Variants in RBFOX1 observed in about 807,000 individuals in gnomAD.
The protein encoded by RBFOX1 is RNA binding protein fox-1 homolog 1.
Under a neutral mutation model 57.7 loss-of-function variants are expected in RBFOX1, and 8 were observed. The ratio of observed to expected loss-of-function variants is 0.14; its 90% confidence interval spans 0.08 to 0.25. The LOEUF is 0.25. RBFOX1 is among the 10% of genes least tolerant of loss of function. The probability of loss-of-function intolerance (pLI) is 1.00; values close to 1 mark genes in which losing one functional copy is unlikely to be tolerated. For missense variants in RBFOX1, 611 were observed against 548.5 expected, an observed-to-expected ratio of 1.11 and a Z score of -1.14; for synonymous variants, 326 against 222.4, an observed-to-expected ratio of 1.47 and a Z score of -4.15.
intron 2 of RBFOX1, among the ~76,000 whole-genome samples, chr16:6,510,634 A>C (rs7187124): frequency 5.1e-4 from 78 of 152,290 alleles, no homozygotes; most frequent in African/African-American, 1.7e-3. Flanking sequence ...CTACCAAATG[A>C]TTTTTAATAG....
chr16:7,465,685 C>A (rs917621254), intron 4 of RBFOX1, among the ~76,000 whole-genome samples: 2 of 152,140 alleles, frequency 1.3e-5, no homozygotes, highest in Admixed American at 1.3e-4. Context: ...CCCTGGGGAT[C>A]CTTTGCTTCT....
chr16:7,473,634 A>G (rs2062015749), intron 4 of RBFOX1, among the ~76,000 whole-genome samples: 1 of 151,668 alleles, frequency 6.6e-6, no homozygotes, highest in Non-Finnish European at 1.5e-5. Flanking sequence ...TCAAACAGTA[A>G]TATCTTGTTG....
chr16:6,493,236 G>A (rs1024451180), intron 2 of RBFOX1, among the ~76,000 whole-genome samples: 10 of 152,054 alleles, frequency 6.6e-5, no homozygotes, highest in Non-Finnish European at 1.2e-4. Context: ...GAAAATCATT[G>A]GATTCACAGT....
At chr16:7,161,532 C>G (rs2078319248) in intron 4 of RBFOX1, among the ~76,000 whole-genome samples, 1 of 152,106 alleles carries the variant, frequency 6.6e-6, no homozygotes, top group South Asian at 2.1e-4. Flanking sequence ...TTTACAGATT[C>G]AGAAAGAGAG....
At chr16:6,694,731 A>G (rs2060759781) in intron 3 of RBFOX1, among the ~76,000 whole-genome samples, 1 of 152,174 alleles carries the variant, frequency 6.6e-6, no homozygotes, top group Admixed American at 6.5e-5. Flanking sequence ...CTCCATTGGT[A>G]ATAGGTATAA....
chr16:5,629,001 G>T (rs1405341939), intron 3 of RBFOX1, among the ~76,000 whole-genome samples: 1 of 152,190 alleles, frequency 6.6e-6, no homozygotes. Context: ...GCGATTAAAT[G>T]TCTTTCTAAT....
rs575440505 is a variant in RBFOX1, at chr16:6,957,398, G to T, written c.-15-94659G>T. On this transcript the variant is annotated intron_variant, in intron 3 of 15. Transcript: ENST00000550418. ...TGCCTCCCAATGTGCTGCGACTCAC[G>T]CTCAGCCGGTTATTTCTTCATGATA... Among the ~76,000 whole-genome samples, 200 of 152,150 alleles carry T rather than the reference G, an allele frequency of 1.3e-3. 9 individuals are homozygous for T. In the South Asian group the frequency reaches 0.041, roughly 31 times the overall value.
chr16:5,848,149 A>C (rs565393567), intron 3 of RBFOX1, among the ~76,000 whole-genome samples: 3 of 152,106 alleles, frequency 2.0e-5, no homozygotes, highest in African/African-American at 4.8e-5. Context: ...TACAAACTGC[A>C]TGCAGTTTGC....
intron 12 of RBFOX1, among the ~76,000 whole-genome samples, chr16:7,660,794 C>G (rs935618724): frequency 3.3e-5 from 5 of 152,208 alleles, no homozygotes; most frequent in African/African-American, 1.2e-4. Context: ...GCCCAGCCAT[C>G]TGTGTTTCAA....
chr16:7,167,710 T>C (rs1045332506), intron 4 of RBFOX1, among the ~76,000 whole-genome samples: 3 of 152,240 alleles, frequency 2.0e-5, no homozygotes, highest in Admixed American at 6.5e-5. Context: ...AAATCCAGCC[T>C]GACACCTGTT....
Position 5,850,176 on chromosome 16 carries a change from A to G in RBFOX1, c.319-17127A>G, listed in dbSNP as rs188674128. 6.8e-4 allele frequency among the ~76,000 whole-genome samples: 104 copies of G among 152,292 alleles called. 1 individual carries two copies. The highest frequency in any genetic ancestry group is 2.5e-3 in the African/African-American group (103 of 41,554). On this transcript the variant is annotated intron_variant, in intron 3 of 19. Coordinates refer to the RBFOX1 transcript ENST00000641259. The stretch of plus-strand genomic sequence containing the variant: ...TCCAATTAACTGGTTAATTGATGTT[A>G]TCCGTTTTATCCAGAGGGATAAGCG...
intron 1 of RBFOX1, among the ~76,000 whole-genome samples, chr16:6,215,496 G>T (rs556920498): frequency 6.6e-6 from 1 of 151,904 alleles, no homozygotes; most frequent in Non-Finnish European, 1.5e-5. Flanking sequence ...GACAGAGTGT[G>T]CATGCCCATA....
In RBFOX1 at chr16:6,328,768, G is replaced by A. The variant is rs2082666100; in HGVS notation, c.-64+11711G>A. ...TTGGGAGGAGGGGATGCCTGTTAGG[G>A]ATAAACCTTTTACTATAGAGAATGG... On this transcript the variant is annotated intron_variant, in intron 2 of 15. Transcript: ENST00000550418. 3.9e-5 allele frequency among the ~76,000 whole-genome samples: 6 copies of A among 152,116 alleles called. No homozygotes were observed. In the South Asian group the frequency reaches 1.2e-3, roughly 32 times the overall value.
chr16:5,891,547 A>C (rs953202930), intron 4 of RBFOX1, among the ~76,000 whole-genome samples: 10 of 152,190 alleles, frequency 6.6e-5, no homozygotes, highest in African/African-American at 2.4e-4. Flanking sequence ...CTCATCCCCG[A>C]GAGCCCGCTT....
intron 3 of RBFOX1, among the ~76,000 whole-genome samples, chr16:5,734,669 GC>G (rs2052507710): frequency 6.6e-6 from 1 of 152,122 alleles, no homozygotes; most frequent in East Asian, 1.9e-4. Flanking sequence ...CCTCTTTGGT[GC>G]CAAACACCCA....
chr16:6,342,398 G>C (rs755409468), intron 2 of RBFOX1, among the ~76,000 whole-genome samples: 6 of 152,116 alleles, frequency 3.9e-5, no homozygotes, highest in Admixed American at 6.5e-5. Context: ...TTTTGCCATG[G>C]CAATCTTTTC....
rs559090126 is a variant in RBFOX1, at chr16:5,884,491, G to A, written c.351+17156G>A. Among the ~76,000 whole-genome samples the A allele has an allele frequency of 5.5e-4, 77 of 140,848 alleles. 1 individual carries two copies. In the South Asian group the frequency reaches 0.017, roughly 32 times the overall value. 92.4% of individuals were successfully genotyped at this position (140,848 alleles called of 152,430 possible). ...CCCCCTACCCCCGCCCCCGGCTAGG[G>A]TACACAGCTGGACTACATTTCCCAG... is the stretch of plus-strand genomic sequence containing the variant. On this transcript the variant is annotated intron_variant, in intron 4 of 19. Coordinates refer to the RBFOX1 transcript ENST00000641259.
chr16:7,557,389 G>A (rs1390651972), intron 5 of RBFOX1, among the ~76,000 whole-genome samples: 2 of 152,130 alleles, frequency 1.3e-5, no homozygotes, highest in East Asian at 1.9e-4. Context: ...GGAGGCCAAC[G>A]TGGGCGGATC....
At chr16:7,536,248 T>G (rs1345567272) in intron 5 of RBFOX1, among the ~76,000 whole-genome samples, 1 of 152,152 alleles carries the variant, frequency 6.6e-6, no homozygotes. Context: ...CAGGGAGACA[T>G]AAATCAAAGC....
Sources: gnomAD v4.1 joint callset for allele counts (sites outside exome capture counted in the v4.1 genomes callset) on GRCh38, gnomAD v4.1.1 for gene constraint, MANE v1.5 for transcripts, NCBI Gene and HGNC (gene_info 2026-07-23, HGNC 2026-07-21) for gene names.